Variants in NAA30 observed in about 807,000 individuals in gnomAD.
NAA30 encodes the protein N-alpha-acetyltransferase 30, NatC catalytic subunit, also known as N-alpha-acetyltransferase 30.
A neutral mutation model predicts 31.4 loss-of-function variants in NAA30; 5 were observed. The ratio of observed to expected loss-of-function variants is 0.16; its 90% CI spans 0.08 to 0.33. The LOEUF is 0.33. Among genes scored for constraint, NAA30 ranks in the 10% least tolerant of loss-of-function variants. The pLI, the probability that NAA30 is intolerant of heterozygous loss-of-function variation, is 1.00. For missense variants in NAA30, 428 were observed against 490.8 expected, an observed-to-expected ratio of 0.87 and a Z score of 1.21; for synonymous variants, 222 against 207.1, an observed-to-expected ratio of 1.07 and a Z score of -0.62.
At chr14:57,409,317 G>T in intron 4 of NAA30, 62 bp from the exon 5 acceptor site, 2 of 1,313,522 alleles carry the variant, frequency 1.5e-6, no homozygotes, top group African/African-American at 1.5e-5. Flanking sequence ...AAATTGTTTA[G>T]TTGGTAAATT....
Position 57,407,169 on chromosome 14 carries a change from A to G in NAA30, c.952-2210A>G, listed in dbSNP as rs1260354369. Reference sequence around the variant, plus strand: ...CTCCCAAAGTGCTGGGATTATAGACATGAGCCACCAAACCTGGCCAAATTG... The same window carrying G: ...CTCCCAAAGTGCTGGGATTATAGACGTGAGCCACCAAACCTGGCCAAATTG... On this transcript the variant is annotated intron_variant, in intron 4 of 4. Transcript: ENST00000556492. Among the ~76,000 whole-genome samples, 4 of 152,164 alleles carry G rather than the reference A, an allele frequency of 2.6e-5. No individual in the cohort carries two copies. In the South Asian group the frequency reaches 6.2e-4, roughly 24 times the overall value.
chr14:57,414,719 G>C lies in NAA30; in HGVS notation c.*5203G>C, dbSNP rs914598202. The C allele has an allele frequency of 2.0e-5, 3 of 152,262 alleles. No homozygotes were observed. The highest frequency in any genetic ancestry group is 7.2e-5 in the African/African-American group (3 of 41,540). The allele number at this position is 152,262 out of a possible 1,614,324, so 9.4% of individuals were successfully genotyped here. ...CAGTGTATTACCTTTGACCCTCGCT[G>C]GTCATCTGGTAAGTGTAGTTCATCA... is the stretch of plus-strand genomic sequence containing the variant. On this transcript the variant is annotated 3_prime_UTR_variant, in exon 5 of 5. Transcript: ENST00000556492.
chr14:57,403,084 G>C (rs902735005), intron 4 of NAA30, among the ~76,000 whole-genome samples: 1 of 152,158 alleles, frequency 6.6e-6, no homozygotes, highest in African/African-American at 2.4e-5. Flanking sequence ...GGGAGGCTGA[G>C]GCAGGAGAAT....
rs976676395 is a variant in NAA30, at chr14:57,410,959, T to C, written c.*1443T>C. 1 of 152,470 alleles carries C rather than the reference T, an allele frequency of 6.6e-6. No homozygotes were observed. The highest frequency in any genetic ancestry group is 2.4e-5 in the African/African-American group (1 of 41,448). The allele number at this position is 152,470 out of a possible 1,614,324, so 9.4% of individuals were successfully genotyped here. A position where few individuals can be genotyped will look rare whatever the true frequency, so the allele number is the denominator to read the frequency against. ...TGAATATGCTCTACTTCTGCTCTAG[T>C]ATTTGGTTTGGAATATATTTTGTGG... is the stretch of plus-strand genomic sequence containing the variant. On this transcript the variant is annotated 3_prime_UTR_variant, in exon 5 of 5. Transcript: ENST00000556492.
At chr14:57,395,134 A>T (rs567289295) in intron 2 of NAA30, among the ~76,000 whole-genome samples, 3 of 152,328 alleles carry the variant, frequency 2.0e-5, no homozygotes, top group Non-Finnish European at 4.4e-5. Flanking sequence ...GAGGGAAAAA[A>T]TTAGAAATAA....
chr14:57,412,519 G>T lies in NAA30; in HGVS notation c.*3003G>T, dbSNP rs1002937022. On this transcript the variant is annotated 3_prime_UTR_variant, in exon 5 of 5. Transcript: ENST00000556492. ...TAAAATGAGTGCTGTAATGTTACAG[G>T]GCTTTCAGGTTTGTAAAAACATAAC... The T allele has an allele frequency of 6.6e-6, 1 of 152,102 alleles. No homozygotes were observed. Among genetic ancestry groups the T allele is most frequent in the Admixed American group, 6.6e-5 (1 of 15,264 alleles). 9.4% of individuals were successfully genotyped at this position (152,102 alleles called of 1,614,324 possible).
At chr14:57,396,063 C>T (rs992695466) in intron 2 of NAA30, among the ~76,000 whole-genome samples, 6 of 152,210 alleles carry the variant, frequency 3.9e-5, no homozygotes, top group Non-Finnish European at 8.8e-5. Context: ...TAGCCTCTCC[C>T]TTCCTGGCTC....
At chr14:57,392,296 C>T (rs1399778185) in intron 2 of NAA30, among the ~76,000 whole-genome samples, 1 of 152,194 alleles carries the variant, frequency 6.6e-6, no homozygotes, top group Non-Finnish European at 1.5e-5. Flanking sequence ...CTTTCTGGTA[C>T]TCCATTCCAG....
Position 57,411,936 on chromosome 14 carries a change from A to G in NAA30, c.*2420A>G, listed in dbSNP as rs2066525120. On this transcript the variant is annotated 3_prime_UTR_variant, in exon 5 of 5. Coordinates refer to ENST00000556492, the MANE Select transcript of NAA30 (RefSeq NM_001011713.3). ...GGTAGCATGGGTTCACTTGGCTACA[A>G]CTGAGCAAAATAGATGCAACTTTCT... is the stretch of plus-strand genomic sequence containing the variant. 1 of 152,162 alleles carries G rather than the reference A, an allele frequency of 6.6e-6. No individual in the cohort carries two copies. Among genetic ancestry groups the G allele is most frequent in the African/African-American group, 2.4e-5 (1 of 41,454 alleles). 9.4% of individuals were successfully genotyped at this position (152,162 alleles called of 1,614,324 possible). A position where few individuals can be genotyped will look rare whatever the true frequency, so the allele number is the denominator to read the frequency against.
intron 2 of NAA30, among the ~76,000 whole-genome samples, chr14:57,392,812 T>C (rs934805452): frequency 1.3e-5 from 2 of 152,248 alleles, no homozygotes; most frequent in South Asian, 2.1e-4. Context: ...ACAATACTTA[T>C]CTTTTTGATT....
In NAA30 at chr14:57,414,028, T is replaced by G. The variant is rs1464469653; in HGVS notation, c.*4512T>G. 1 of 152,244 alleles carries G rather than the reference T, an allele frequency of 6.6e-6. No homozygotes were observed. Among genetic ancestry groups the G allele is most frequent in the Non-Finnish European group, 1.5e-5 (1 of 68,062 alleles). The allele number at this position is 152,244 out of a possible 1,614,324, so 9.4% of individuals were successfully genotyped here. ...AATTTTAATCAAAGTTAGCCACATG[T>G]GGCTTGTGGCTACTGTATTGGACAG... On this transcript the variant is annotated 3_prime_UTR_variant, in exon 5 of 5. Transcript: ENST00000556492.
chr14:57,410,733 G>GT lies in NAA30; in HGVS notation c.*1221dup, dbSNP rs1297920045. On this transcript the variant is annotated 3_prime_UTR_variant, in exon 5 of 5. Transcript: ENST00000556492. Reference sequence around the variant, plus strand: ...ATCTTTTTTGGAATGAGTTCTGTGGGTTTTCTTAACAGCCACCATGTTTAT... The same window carrying GT: ...ATCTTTTTTGGAATGAGTTCTGTGGGTTTTTCTTAACAGCCACCATGTTTAT... The GT allele has an allele frequency of 1.3e-5, 2 of 152,246 alleles. No homozygotes were observed. Among genetic ancestry groups the GT allele is most frequent in the African/African-American group, 4.8e-5 (2 of 41,388 alleles). 9.4% of individuals were successfully genotyped at this position (152,246 alleles called of 1,614,324 possible).
intron 3 of NAA30, among the ~76,000 whole-genome samples, 182 bp downstream of exon 3, chr14:57,397,057 T>G (rs2066453742): frequency 6.6e-6 from 1 of 152,246 alleles, no homozygotes; most frequent in Non-Finnish European, 1.5e-5. Flanking sequence ...AATGAATTTT[T>G]TCTTTATTAA....
chr14:57,395,632 G>C (rs1286733223), intron 2 of NAA30, among the ~76,000 whole-genome samples: 2 of 152,122 alleles, frequency 1.3e-5, no homozygotes, highest in Non-Finnish European at 2.9e-5. Flanking sequence ...GGGATGATTA[G>C]AATTTAACAT....
chr14:57,395,670 ACGT>A (rs2066447382), intron 2 of NAA30, among the ~76,000 whole-genome samples: 1 of 152,210 alleles, frequency 6.6e-6, no homozygotes, highest in Non-Finnish European at 1.5e-5. Flanking sequence ...GGAAAGCTGT[ACGT>A]TTTTATTAAA....
rs562084264 is a variant in NAA30, at chr14:57,411,275, G to A, written c.*1759G>A. On this transcript the variant is annotated 3_prime_UTR_variant, in exon 5 of 5. Transcript: ENST00000556492. ...GTTTAATGAGCAGAATACAATACTGGTTATAATAAAAATATGGTAACCACA... is the reference window on the plus strand; with the variant it reads ...GTTTAATGAGCAGAATACAATACTGATTATAATAAAAATATGGTAACCACA... The A allele has an allele frequency of 2.2e-4, 33 of 152,032 alleles. No individual in the cohort carries two copies. Among genetic ancestry groups the A allele is most frequent in the African/African-American group, 8.0e-4 (33 of 41,494 alleles). The allele number at this position is 152,032 out of a possible 1,614,324, so 9.4% of individuals were successfully genotyped here.
At chr14:57,398,921 C>G (rs1411360567) in intron 3 of NAA30, among the ~76,000 whole-genome samples, 1 of 151,266 alleles carries the variant, frequency 6.6e-6, no homozygotes, top group African/African-American at 2.4e-5. Flanking sequence ...ATAGGCTGAG[C>G]CACTGCACCC....
In NAA30 at chr14:57,391,533, C is replaced by T. The variant is rs770352759; in HGVS notation, c.576C>T (p.Thr192=). The T allele has an allele frequency of 5.8e-5, 94 of 1,613,734 alleles. No individual in the cohort carries two copies. Among genetic ancestry groups the T allele is most frequent in the Non-Finnish European group, 7.8e-5 (92 of 1,180,034 alleles). The change falls in exon 2 of 5, where the codon ACC becomes ACT. Residue 192 remains threonine, a synonymous_variant. Coordinates refer to ENST00000556492, the MANE Select transcript of NAA30 (RefSeq NM_001011713.3). The surrounding 1 kb of genome is among the most constrained non-coding windows in gnomAD (Gnocchi z 4.1). ...TGCGGCTGCTGTCTTCGTCCCTGACCGCCGACTGCAGCTTAAGAAGCCCTT... is the reference window on the plus strand; with the variant it reads ...TGCGGCTGCTGTCTTCGTCCCTGACTGCCGACTGCAGCTTAAGAAGCCCTT... ...EQVRLLSSSL[T]ADCSLRSPSG...
At position 57,414,677 on chromosome 14, in the gene NAA30, T is replaced by C. The variant is rs1339725976; in HGVS notation, c.*5161T>C. The C allele has an allele frequency of 6.6e-6, 1 of 152,222 alleles. No individual in the cohort carries two copies. The highest frequency in any genetic ancestry group is 2.4e-5 in the African/African-American group (1 of 41,444). 9.4% of individuals were successfully genotyped at this position (152,222 alleles called of 1,614,324 possible). A position where few individuals can be genotyped will look rare whatever the true frequency, so the allele number is the denominator to read the frequency against. On this transcript the variant is annotated 3_prime_UTR_variant, in exon 5 of 5. Transcript: ENST00000556492. Reference sequence around the variant, plus strand: ...CTTCTAGAAGAACCAGATTAATTTTTCTGCCTTCCATCACCGCAGTGTATT... The same window carrying C: ...CTTCTAGAAGAACCAGATTAATTTTCCTGCCTTCCATCACCGCAGTGTATT...
Sources: gnomAD v4.1 joint callset for allele counts (sites outside exome capture counted in the v4.1 genomes callset) on GRCh38, gnomAD v4.1.1 for gene constraint, Gnocchi (gnomAD v3.1) non-coding constraint, MANE v1.5 for transcripts, NCBI Gene and HGNC (gene_info 2026-07-23, HGNC 2026-07-21) for gene names.